The following PTPRD variants were observed in gnomAD, a reference collection of about 807,000 sequenced individuals.
PTPRD encodes the protein protein tyrosine phosphatase receptor type D, also known as receptor-type tyrosine-protein phosphatase delta.
Under a neutral mutation model 214.5 loss-of-function variants are expected in PTPRD, and 34 were observed. The observed-to-expected ratio is 0.16, with a 90% CI of 0.12 to 0.21. PTPRD has a LOEUF of 0.21. PTPRD is among the 10% of genes least tolerant of loss of function. The pLI, the probability that PTPRD is intolerant of heterozygous loss-of-function variation, is 1.00. For missense variants in PTPRD, 2,545 were observed against 2,398.7 expected, an observed-to-expected ratio of 1.06 and a Z score of -1.27; for synonymous variants, 1,128 against 845.7, an observed-to-expected ratio of 1.33 and a Z score of -5.79.
intron 12 of PTPRD, among the ~76,000 whole-genome samples, chr9:8,667,406 C>T (rs973527535): frequency 6.6e-6 from 1 of 152,034 alleles, no homozygotes; most frequent in African/African-American, 2.4e-5. Flanking sequence ...TAAATCCAAC[C>T]AGTTCAACAT....
rs1400686173 is a variant in PTPRD at position 9,183,370 on chromosome 9, A to G, written c.-202-7T>C. 6.6e-6 allele frequency: 1 copy of G among 151,976 alleles called. No individual in the cohort carries two copies. The highest frequency in any genetic ancestry group is 1.9e-4 in the East Asian group (1 of 5,160). 9.4% of individuals were successfully genotyped at this position (151,976 alleles called of 1,614,324 possible). On this transcript the variant is annotated splice_polypyrimidine_tract_variant and splice_region_variant and intron_variant, in intron 9 of 45. Transcript: ENST00000381196. ...GCCTCAAGAAGTTCAAAACCTAATTATAAAGATAGAAAGTAACAATTATTT... is the reference window on the plus strand; with the variant it reads ...GCCTCAAGAAGTTCAAAACCTAATTGTAAAGATAGAAAGTAACAATTATTT...
At chr9:9,893,998 G>T (rs1265484643) in intron 5 of PTPRD, among the ~76,000 whole-genome samples, 1 of 152,080 alleles carries the variant, frequency 6.6e-6, no homozygotes, top group African/African-American at 2.4e-5. Flanking sequence ...GTATTTGGTA[G>T]AGAAGGGGTT....
chr9:10,583,789 A>G (rs1217499565), intron 2 of PTPRD, among the ~76,000 whole-genome samples: 1 of 152,082 alleles, frequency 6.6e-6, no homozygotes, highest in Non-Finnish European at 1.5e-5. Flanking sequence ...CAGGTGTTCT[A>G]TATAGTTCAG....
At chr9:10,154,698 T>C (rs7873340) in intron 3 of PTPRD, among the ~76,000 whole-genome samples, 1,584 of 152,268 alleles carry the variant, frequency 0.01, 32 homozygotes, top group African/African-American at 0.032. Context: ...GTACCATTTA[T>C]TGAATAGGGA....
intron 2 of PTPRD, among the ~76,000 whole-genome samples, chr9:10,525,085 G>A (rs939762889): frequency 2.0e-5 from 3 of 151,608 alleles, no homozygotes; most frequent in African/African-American, 7.3e-5. Flanking sequence ...GATATTATCA[G>A]GAAGAAGTAT....
Position 9,919,125 on chromosome 9 carries a change from A to C in PTPRD, c.-368+19382T>G, listed in dbSNP as rs557238250. Among the ~76,000 whole-genome samples, 35 of 152,312 alleles carry C rather than the reference A, an allele frequency of 2.3e-4. No individual in the cohort carries two copies. In the South Asian group the frequency reaches 6.4e-3, roughly 28 times the overall value. On this transcript the variant is annotated intron_variant, in intron 5 of 45. Transcript: ENST00000381196. ...CCAAATGAATGACAATATTTGATTT[A>C]TATAAAATGAATAAGTCATATTATT... is the stretch of plus-strand genomic sequence containing the variant.
At chr9:8,667,265 G>T (rs1012734903) in intron 12 of PTPRD, among the ~76,000 whole-genome samples, 2 of 152,128 alleles carry the variant, frequency 1.3e-5, no homozygotes, top group African/African-American at 4.8e-5. Flanking sequence ...CTTGAACACG[G>T]GACGCAGAAG....
intron 2 of PTPRD, among the ~76,000 whole-genome samples, chr9:10,348,367 T>C (rs1042894878): frequency 6.6e-6 from 1 of 152,150 alleles, no homozygotes; most frequent in South Asian, 2.1e-4. Flanking sequence ...AAAATGAATG[T>C]TAGAAAACAG....
At chr9:9,759,010 T>C (rs1245224645) in intron 6 of PTPRD, among the ~76,000 whole-genome samples, 1 of 152,136 alleles carries the variant, frequency 6.6e-6, no homozygotes, top group Non-Finnish European at 1.5e-5. Flanking sequence ...GAAGGTGGTG[T>C]TTAAAGAAAA....
At chr9:10,192,590 A>G (rs780311486) in intron 3 of PTPRD, among the ~76,000 whole-genome samples, 6 of 152,022 alleles carry the variant, frequency 3.9e-5, no homozygotes, top group Non-Finnish European at 5.9e-5. Flanking sequence ...TTTCTGCACT[A>G]TTCAAATGAC....
chr9:10,167,406 T>G (rs890991107), intron 3 of PTPRD, among the ~76,000 whole-genome samples: 1 of 152,140 alleles, frequency 6.6e-6, no homozygotes, highest in East Asian at 1.9e-4. Flanking sequence ...CACTTATTCT[T>G]CTTGAGGACT....
At chr9:9,045,018 TTGA>T (rs1293042113) in intron 10 of PTPRD, among the ~76,000 whole-genome samples, 2 of 152,172 alleles carry the variant, frequency 1.3e-5, no homozygotes, top group African/African-American at 4.8e-5. Flanking sequence ...ATTAAGGTTC[TTGA>T]TGACAGAAAC....
At chr9:8,491,022 T>C (rs1012663739) in intron 27 of PTPRD, among the ~76,000 whole-genome samples, 35 of 152,226 alleles carry the variant, frequency 2.3e-4, no homozygotes, top group Non-Finnish European at 2.9e-5. Flanking sequence ...AATTGATATA[T>C]TCACTAATTG....
intron 4 of PTPRD, among the ~76,000 whole-genome samples, chr9:10,026,462 C>A (rs1005615742): frequency 2.0e-5 from 3 of 152,128 alleles, no homozygotes; most frequent in African/African-American, 7.2e-5. Context: ...AGTCAAGTTG[C>A]CTGCCTAAGT....
intron 10 of PTPRD, among the ~76,000 whole-genome samples, chr9:9,045,392 G>T (rs2099669178): frequency 6.6e-6 from 1 of 151,976 alleles, no homozygotes; most frequent in Admixed American, 6.6e-5. Context: ...TAAGTCGTGA[G>T]CATGTGGGAG....
chr9:8,353,519 G>A (rs572973616), intron 39 of PTPRD, among the ~76,000 whole-genome samples: 1 of 150,968 alleles, frequency 6.6e-6, no homozygotes, highest in African/African-American at 2.4e-5. Context: ...CGTAAACTCC[G>A]TTTCCTGGGT....
At chr9:10,349,647 G>A (rs1021052907) in intron 2 of PTPRD, among the ~76,000 whole-genome samples, 7 of 151,928 alleles carry the variant, frequency 4.6e-5, no homozygotes, top group Non-Finnish European at 7.4e-5. Context: ...GTATAAAAAG[G>A]TCATTTTCAT....
chr9:10,353,068 C>T lies in PTPRD; in HGVS notation c.-599-12051G>A, dbSNP rs577590054. Among the ~76,000 whole-genome samples, 268 of 151,976 alleles carry T rather than the reference C, an allele frequency of 1.8e-3. 3 individuals are homozygous for T. Among genetic ancestry groups the T allele is most frequent in the African/African-American group, 5.9e-3 (244 of 41,500 alleles). On this transcript the variant is annotated intron_variant, in intron 2 of 45. Transcript: ENST00000381196. ...CTTTTAACAAGTCCCTTAAAATTAC[C>T]AGAAAATCAAATTTTCAAACAACTT... is the stretch of plus-strand genomic sequence containing the variant.
chr9:10,092,514 G>A (rs1034633593), intron 3 of PTPRD, among the ~76,000 whole-genome samples: 2 of 151,280 alleles, frequency 1.3e-5, no homozygotes, highest in East Asian at 3.9e-4. Flanking sequence ...GCCAAAATGT[G>A]TCCTACAAAA....
Sources: gnomAD v4.1 joint callset for allele counts (sites outside exome capture counted in the v4.1 genomes callset) on GRCh38, gnomAD v4.1.1 for gene constraint, MANE v1.5 for transcripts, NCBI Gene and HGNC (gene_info 2026-07-23, HGNC 2026-07-21) for gene names.